The following CUX1 variants were observed in gnomAD, a reference collection of about 807,000 sequenced individuals.
CUX1 encodes cut like homeobox 1, also known as protein CASP.
Under a neutral mutation model 158.8 loss-of-function variants are expected in CUX1, and 31 were observed. That is an observed-to-expected ratio of 0.20 (90% CI 0.15 to 0.26). The LOEUF (loss-of-function observed/expected upper bound fraction) is 0.26. Ranked by LOEUF, CUX1 falls within the 10% of genes least tolerant of loss-of-function variation. CUX1 has a pLI of 1.00. For missense variants in CUX1, 1,589 were observed against 2,014.6 expected (o/e 0.79, Z 4.04); for synonymous variants, 879 against 862.1 (o/e 1.02, Z -0.34).
intron 16 of CUX1, among the ~76,000 whole-genome samples, 172 bp from the exon 17 acceptor site, chr7:102,199,899 G>A (rs1586176837): frequency 6.6e-6 from 1 of 152,236 alleles, no homozygotes; most frequent in Non-Finnish European, 1.5e-5. Flanking sequence ...CTCCTGCCCG[G>A]TGTCGCTGTG....
At chr7:101,884,201 A>T (rs1016814523) in intron 1 of CUX1, among the ~76,000 whole-genome samples, 1 of 152,156 alleles carries the variant, frequency 6.6e-6, no homozygotes, top group Non-Finnish European at 1.5e-5. Flanking sequence ...GCCAATTTTT[A>T]GTTATTGTGG....
chr7:102,183,868 G>A (rs1337958431), intron 11 of CUX1, among the ~76,000 whole-genome samples: 19 of 152,120 alleles, frequency 1.2e-4, no homozygotes, highest in Admixed American at 1.2e-3. Context: ...CCTTTCCCTG[G>A]GTCTCTGCCT....
chr7:101,959,842 T>C (rs373815926), intron 2 of CUX1, among the ~76,000 whole-genome samples: 1 of 152,212 alleles, frequency 6.6e-6, no homozygotes, highest in Non-Finnish European at 1.5e-5. Flanking sequence ...TGGTACAACC[T>C]GTGGACCCTT....
In CUX1 at chr7:102,196,935, A is replaced by G. The variant is rs782603356; in HGVS notation, c.1524A>G (p.Ser508=). 6.2e-7 allele frequency: 1 copy of G among 1,614,192 alleles called. No individual in the cohort carries two copies. Among genetic ancestry groups the G allele is most frequent in the South Asian group, 1.1e-5 (1 of 91,084 alleles). ...QEAGSTSMIF[S]TGPYSTNSIS... ...CCGGAAGCACAAGCATGATTTTTTC[A>G]ACAGGTCCATACAGCACAAACTCCA... Residue 508 remains serine, a synonymous_variant, in exon 15 of 24, where the codon TCA becomes TCG. Transcript: ENST00000292535.
intron 20 of CUX1, among the ~76,000 whole-genome samples, chr7:102,219,542 C>T (rs1361461867): frequency 6.6e-6 from 1 of 152,204 alleles, no homozygotes; most frequent in Non-Finnish European, 1.5e-5. Context: ...CCAGGACCCT[C>T]GGGAATTGGA....
At chr7:101,992,522 A>G (rs1815275300) in intron 2 of CUX1, among the ~76,000 whole-genome samples, 1 of 152,170 alleles carries the variant, frequency 6.6e-6, no homozygotes, top group Non-Finnish European at 1.5e-5. Flanking sequence ...GCCACACCCT[A>G]CGTGCCCCAT....
chr7:101,957,011 G>T (rs1484683559), intron 2 of CUX1, among the ~76,000 whole-genome samples: 1 of 152,162 alleles, frequency 6.6e-6, no homozygotes, highest in East Asian at 1.9e-4. Flanking sequence ...TAGTGTTATT[G>T]ATATACTAAA....
rs149842931 is a variant in CUX1 at position 101,957,709 on chromosome 7, G to C, written c.141+41484G>C. ...CCACTGCACTCCAGCCTGGGCAACA[G>C]AGTGAGATTCCATCTCTTAAAAAAT... is the stretch of plus-strand genomic sequence containing the variant. On this transcript the variant is annotated intron_variant, in intron 2 of 23. Transcript: ENST00000292535. Among the ~76,000 whole-genome samples, 335 of 152,282 alleles carry C rather than the reference G, an allele frequency of 2.2e-3. 1 individual carries two copies. The highest frequency in any genetic ancestry group is 0.014 in the East Asian group (74 of 5,180).
rs782436701 is a variant in CUX1, at chr7:102,205,136, C to G, written c.3096C>G (p.Leu1032=). ...TAGTCCTCCACTCCGTGACATCGCT[C>G]CAGGACCCGCTGCAGCAGGGCTGTG... is the stretch of plus-strand genomic sequence containing the variant. ...QGPVLHSVTS[L]QDPLQQGCVS... Residue 1032 remains leucine (L), a synonymous_variant, in exon 20 of 24, where the codon CTC becomes CTG. Transcript: ENST00000292535. 1 of 1,611,820 alleles carries G rather than the reference C, an allele frequency of 6.2e-7. No homozygotes were observed. The highest frequency in any genetic ancestry group is 1.3e-5 in the African/African-American group (1 of 74,900).
chr7:102,009,731 G>A (rs764168286), intron 2 of CUX1, among the ~76,000 whole-genome samples: 11 of 152,192 alleles, frequency 7.2e-5, no homozygotes, highest in Admixed American at 1.3e-4. Flanking sequence ...GCACACCAGC[G>A]TGGCAGACAG....
chr7:102,068,960 T>C (rs574804655), intron 3 of CUX1, among the ~76,000 whole-genome samples: 52 of 152,340 alleles, frequency 3.4e-4, no homozygotes, highest in South Asian at 8.3e-4. Context: ...CTGGCTCAGT[T>C]AGTCAGTTCA....
intron 20 of CUX1, among the ~76,000 whole-genome samples, chr7:102,221,729 G>A (rs1797820051): frequency 8.0e-6 from 1 of 124,478 alleles, no homozygotes; most frequent in Non-Finnish European, 1.6e-5. Flanking sequence ...GCCAGATTCA[G>A]TGCCTTGTAA....
chr7:101,948,266 G>A (rs1255551725), intron 2 of CUX1, among the ~76,000 whole-genome samples: 1 of 152,074 alleles, frequency 6.6e-6, no homozygotes, highest in African/African-American at 2.4e-5. Context: ...CATTATTTGG[G>A]CTCCGTAAAC....
intron 4 of CUX1, among the ~76,000 whole-genome samples, chr7:102,085,250 A>G (rs947630105): frequency 2.0e-5 from 3 of 152,146 alleles, no homozygotes; most frequent in Admixed American, 1.3e-4. Flanking sequence ...TGCATTTTAT[A>G]ATATATTTTG....
At chr7:102,158,206 AAG>A (rs1475887868) in intron 8 of CUX1, among the ~76,000 whole-genome samples, 2 of 151,904 alleles carry the variant, frequency 1.3e-5, no homozygotes, top group African/African-American at 4.8e-5. Flanking sequence ...CCCTCCCACA[AAG>A]AGAATTTATT....
intron 9 of CUX1, among the ~76,000 whole-genome samples, chr7:102,165,521 C>T (rs1352296098): frequency 1.3e-5 from 2 of 151,924 alleles, no homozygotes; most frequent in Non-Finnish European, 2.9e-5. Context: ...CACACCCCCA[C>T]GCCCAGCTAA....
intron 2 of CUX1, among the ~76,000 whole-genome samples, chr7:101,978,012 C>T (rs753111143): frequency 4.0e-5 from 6 of 151,296 alleles, no homozygotes; most frequent in Non-Finnish European, 8.8e-5. Flanking sequence ...TCTCCTGGTT[C>T]GGCCCACCTT....
At chr7:102,105,251 A>G (rs112993148) in intron 6 of CUX1, among the ~76,000 whole-genome samples, 109 of 152,198 alleles carry the variant, frequency 7.2e-4, no homozygotes, top group African/African-American at 2.5e-3. Context: ...ACACACGCGC[A>G]CACACACAAT....
downstream of CUX1, among the ~76,000 whole-genome samples, chr7:102,258,413 A>T (rs1382469633): frequency 6.6e-6 from 1 of 151,986 alleles, no homozygotes; most frequent in Non-Finnish European, 1.5e-5. Flanking sequence ...TGGTTCTAGG[A>T]TACATGGGGA....
Sources: gnomAD v4.1 joint callset for allele counts (sites outside exome capture counted in the v4.1 genomes callset) on GRCh38, gnomAD v4.1.1 for gene constraint, MANE v1.5 for transcripts, NCBI Gene and HGNC (gene_info 2026-07-23, HGNC 2026-07-21) for gene names.